ELOVL4: variants seen among roughly 807,000 people sequenced by gnomAD.
ELOVL4 encodes ELOVL fatty acid elongase 4, also known as very long chain fatty acid elongase 4.
Under a neutral mutation model 42.1 loss-of-function variants are expected in ELOVL4, and 18 were observed. The ratio of observed to expected loss-of-function variants is 0.43; its 90% confidence interval spans 0.30 to 0.63. ELOVL4 has a LOEUF of 0.63. Ranked by LOEUF, ELOVL4 falls within the 30% of genes least tolerant of loss-of-function variation. ELOVL4 has a pLI of 0.15. For synonymous variants in ELOVL4, 117 were observed against 127.0 expected (o/e 0.92, Z 0.53); for missense variants, 299 against 376.2 (o/e 0.79, Z 1.70).
Position 79,947,332 on chromosome 6 carries a change from G to A in ELOVL4, c.-53C>T. ...GGAGAAAGCGGAGACCCAGAGAGAG[G>A]GCTGACCCCGGAGGCGGTGGCGGCC... On this transcript the variant is annotated 5_prime_UTR_variant, in exon 1 of 6. Coordinates refer to ENST00000369816, the MANE Select transcript of ELOVL4 (RefSeq NM_022726.4). 7.0e-7 allele frequency: 1 copy of A among 1,429,418 alleles called. No homozygotes were observed. The highest frequency in any genetic ancestry group is 9.7e-7 in the Non-Finnish European group (1 of 1,028,754). The allele number at this position is 1,429,418 out of a possible 1,614,324, so 88.5% of individuals were successfully genotyped here. A position where few individuals can be genotyped will look rare whatever the true frequency, so the allele number is the denominator to read the frequency against.
Position 79,947,543 on chromosome 6 carries a change from C to T in ELOVL4, c.-264G>A, listed in dbSNP as rs948411659. The stretch of plus-strand genomic sequence containing the variant: ...GCCCAGCCGCCAGCACAGTGCGCTG[C>T]ACCAGTCTGCAGCCTCGCGCAGCCG... On this transcript the variant is annotated 5_prime_UTR_variant, in exon 1 of 6. Coordinates refer to ENST00000369816, the MANE Select transcript of ELOVL4 (RefSeq NM_022726.4). 2.1e-6 allele frequency: 1 copy of T among 481,490 alleles called. No homozygotes were observed. Among genetic ancestry groups the T allele is most frequent in the Non-Finnish European group, 3.8e-6 (1 of 264,002 alleles). 29.8% of individuals were successfully genotyped at this position (481,490 alleles called of 1,614,324 possible).
rs1172216845 is a variant in ELOVL4 at position 79,915,609 on chromosome 6, T to C, written c.*999A>G. ...ATACTAGTGGATTTGAAAGTTAACA[T>C]TAAAATTTACATTAGAAGACTCCTT... On this transcript the variant is annotated 3_prime_UTR_variant, in exon 6 of 6. Transcript: ENST00000369816. 1.3e-5 allele frequency: 2 copies of C among 152,452 alleles called. No individual in the cohort carries two copies. The highest frequency in any genetic ancestry group is 6.5e-5 in the Admixed American group (1 of 15,272). The allele number at this position is 152,452 out of a possible 1,614,324, so 9.4% of individuals were successfully genotyped here.
chr6:79,936,410 T>TACACAAAAA (rs1343729448), intron 1 of ELOVL4, among the ~76,000 whole-genome samples: 31 of 152,296 alleles, frequency 2.0e-4, no homozygotes, highest in African/African-American at 7.0e-4. Context: ...GGTTACCTAT[T>TACACAAAAA]AGTATGTCAC....
chr6:79,920,333 A>C (rs2127698205), intron 4 of ELOVL4, among the ~76,000 whole-genome samples: 1 of 152,308 alleles, frequency 6.6e-6, no homozygotes, highest in Admixed American at 6.5e-5. Flanking sequence ...AATGTGAATC[A>C]TCCTTAATCT....
In ELOVL4 at chr6:79,946,670, C is replaced by G. The variant is rs143367188; in HGVS notation, c.100+510G>C. On this transcript the variant is annotated intron_variant, in intron 1 of 5. Coordinates refer to ENST00000369816, the MANE Select transcript of ELOVL4 (RefSeq NM_022726.4). ...CCGAATTATACTATAGATGAAGGAG[C>G]TAGATAGAAGAAAAGATTAGCAGGG... is the stretch of plus-strand genomic sequence containing the variant. Among the ~76,000 whole-genome samples the G allele has an allele frequency of 2.8e-3, 427 of 152,280 alleles. 1 individual carries two copies. Among genetic ancestry groups the G allele is most frequent in the African/African-American group, 9.4e-3 (392 of 41,556 alleles).
chr6:79,925,162 T>G, intron 2 of ELOVL4, 130 bp from the exon 3 acceptor site: 1 of 657,452 alleles, frequency 1.5e-6, no homozygotes. Context: ...TCAAATGCAT[T>G]AAAAATTTCA....
chr6:79,916,604 C>G lies in ELOVL4; in HGVS notation c.*4G>C. On this transcript the variant is annotated 3_prime_UTR_variant, in exon 6 of 6. Transcript: ENST00000369816. ...TGTCAACAACAGTTAAGGCCCAGTT[C>G]AATTTAATCTCCTTTTGCTTTTCCA... The G allele has an allele frequency of 6.2e-7, 1 of 1,613,464 alleles. No homozygotes were observed. Among genetic ancestry groups the G allele is most frequent in the Non-Finnish European group, 8.5e-7 (1 of 1,179,940 alleles).
chr6:79,916,247 G>A lies in ELOVL4; in HGVS notation c.*361C>T, dbSNP rs41270557. 0.029 allele frequency: 6,210 copies of A among 215,808 alleles called. 137 individuals are homozygous for A. Among genetic ancestry groups the A allele is most frequent in the African/African-American group, 0.053 (2,288 of 43,132 alleles). The allele number at this position is 215,808 out of a possible 1,614,324, so 13.4% of individuals were successfully genotyped here. A position where few individuals can be genotyped will look rare whatever the true frequency, so the allele number is the denominator to read the frequency against. ...TTTATCAAAATAATTCATAAAGACC[G>A]TTTCTGTGATCGTCTAAAATTCAGA... On this transcript the variant is annotated 3_prime_UTR_variant, in exon 6 of 6. Transcript: ENST00000369816.
chr6:79,921,278 G>A (rs1365642771), intron 4 of ELOVL4, among the ~76,000 whole-genome samples: 1 of 151,678 alleles, frequency 6.6e-6, no homozygotes, highest in Non-Finnish European at 1.5e-5. Flanking sequence ...TGGCCAACAT[G>A]GTGAAACCCT....
At chr6:79,940,869 G>A (rs1374896296) in intron 1 of ELOVL4, among the ~76,000 whole-genome samples, 1 of 152,076 alleles carries the variant, frequency 6.6e-6, no homozygotes, top group Non-Finnish European at 1.5e-5. Flanking sequence ...GTTATTCAAG[G>A]AATCCAGATA....
chr6:79,920,370 G>A (rs894993286), intron 4 of ELOVL4, among the ~76,000 whole-genome samples: 2 of 152,190 alleles, frequency 1.3e-5, no homozygotes, highest in African/African-American at 4.8e-5. Context: ...ACAGGAGGCA[G>A]ATCTTGGCCA....
chr6:79,933,208 A>C (rs1196245259), intron 1 of ELOVL4, among the ~76,000 whole-genome samples: 2 of 151,102 alleles, frequency 1.3e-5, no homozygotes, highest in African/African-American at 4.9e-5. Flanking sequence ...TAATGAAGAG[A>C]TATTTGATTG....
chr6:79,926,886 A>G (rs1245745689), intron 1 of ELOVL4, among the ~76,000 whole-genome samples: 3 of 152,190 alleles, frequency 2.0e-5, no homozygotes, highest in Non-Finnish European at 2.9e-5. Flanking sequence ...TGAAGACAAG[A>G]GTACAGGGGC....
chr6:79,932,922 C>T (rs893897975), intron 1 of ELOVL4, among the ~76,000 whole-genome samples: 1 of 152,074 alleles, frequency 6.6e-6, no homozygotes, highest in Non-Finnish European at 1.5e-5. Flanking sequence ...ATTTGACAAG[C>T]AGACAGGGAG....
In ELOVL4 at chr6:79,947,281, G is replaced by A. The variant is rs1266575106; in HGVS notation, c.-2C>T. ...CGGCTCCGAGTCCAGGAGCCCCATC[G>A]CGGCGATGAGCGGGCGCTGGCGGCA... On this transcript the variant is annotated 5_prime_UTR_variant, in exon 1 of 6. Coordinates refer to ENST00000369816, the MANE Select transcript of ELOVL4 (RefSeq NM_022726.4). 6.2e-6 allele frequency: 10 copies of A among 1,609,682 alleles called. No individual in the cohort carries two copies. Among genetic ancestry groups the A allele is most frequent in the Non-Finnish European group, 8.5e-6 (10 of 1,177,294 alleles).
chr6:79,919,533 G>C lies in ELOVL4; in HGVS notation c.556C>G (p.Gln186Glu). 1 of 1,613,052 alleles carries C rather than the reference G, an allele frequency of 6.2e-7. No individual in the cohort carries two copies. The highest frequency in any genetic ancestry group is 8.5e-7 in the Non-Finnish European group (1 of 1,179,652). ...ATCACATGGATAAAGGAATTCAACT[G>C]GGCTCCAAAAAATGCTTTAGAAAAA... is the stretch of plus-strand genomic sequence containing the variant. ...VAGGQAFFGA[Q>E]LNSFIHVIMY... is the part of the protein sequence containing the mutation. The change falls in exon 5 of 6, where the codon CAG (glutamine) becomes GAG (glutamate). Residue 186 changes from glutamine to glutamate, a missense_variant. Coordinates refer to ENST00000369816, the MANE Select transcript of ELOVL4 (RefSeq NM_022726.4).
intron 2 of ELOVL4, 113 bp downstream of exon 2, chr6:79,926,081 A>G (rs751385536): frequency 1.0e-4 from 94 of 920,808 alleles, no homozygotes; most frequent in Non-Finnish European, 1.5e-4. Flanking sequence ...ATGTACTTTT[A>G]GAGTAGCTAA....
intron 1 of ELOVL4, among the ~76,000 whole-genome samples, chr6:79,937,942 C>T (rs1191818868): frequency 6.6e-6 from 1 of 152,186 alleles, no homozygotes; most frequent in Non-Finnish European, 1.5e-5. Context: ...CAGACGATAT[C>T]TGGTTTCAAA....
intron 1 of ELOVL4, among the ~76,000 whole-genome samples, chr6:79,941,494 G>A (rs1050203820): frequency 2.6e-5 from 4 of 152,110 alleles, no homozygotes; most frequent in Non-Finnish European, 4.4e-5. Context: ...ATGACTTAAT[G>A]GCCTGATTTA....
Sources: gnomAD v4.1 joint callset for allele counts (sites outside exome capture counted in the v4.1 genomes callset) on GRCh38, gnomAD v4.1.1 for gene constraint, MANE v1.5 for transcripts, NCBI Gene and HGNC (gene_info 2026-07-23, HGNC 2026-07-21) for gene names.